The following ERCC6 variants were observed in gnomAD, a reference collection of about 807,000 sequenced individuals.
ERCC6 encodes ERCC excision repair 6, chromatin remodeling factor.
In ERCC6, 116 loss-of-function variants were observed where a neutral mutation model predicts 158.7. The ratio of observed to expected loss-of-function variants is 0.73; its 90% CI spans 0.63 to 0.85. The LOEUF (loss-of-function observed/expected upper bound fraction) is 0.85, where lower values mean the gene tolerates loss of function less well. Ranked by LOEUF, ERCC6 falls within the 40% of genes least tolerant of loss-of-function variation. The probability of loss-of-function intolerance (pLI) is 0.00; values close to 1 mark genes in which losing one functional copy is unlikely to be tolerated. For missense variants in ERCC6, 1,698 were observed against 1,799.4 expected, an observed-to-expected ratio of 0.94 and a Z score of 1.02; for synonymous variants, 678 against 659.3, an observed-to-expected ratio of 1.03 and a Z score of -0.43.
chr10:49,490,161 T>C (rs576297930), intron 8 of ERCC6, among the ~76,000 whole-genome samples: 36 of 152,288 alleles, frequency 2.4e-4, no homozygotes, highest in African/African-American at 8.2e-4. Flanking sequence ...ATCAGTTGTA[T>C]ATTTTTTTGC....
chr10:49,449,237 G>C (rs1299013537), downstream of ERCC6, among the ~76,000 whole-genome samples: 3 of 152,136 alleles, frequency 2.0e-5, no homozygotes, highest in Admixed American at 6.5e-5. Context: ...ATGATGTCAA[G>C]CATCTTTTCA....
At chr10:49,519,973 C>T (rs1358242712) in intron 5 of ERCC6, among the ~76,000 whole-genome samples, 2 of 152,190 alleles carry the variant, frequency 1.3e-5, no homozygotes, top group Non-Finnish European at 2.9e-5. Flanking sequence ...TTCTGACACA[C>T]ACACCCCACA....
rs1478139768 is a variant in ERCC6 at position 49,461,416 on chromosome 10, C to G, written c.3919G>C (p.Ala1307Pro). The G allele has an allele frequency of 6.2e-7, 1 of 1,614,142 alleles. No homozygotes were observed. Among genetic ancestry groups the G allele is most frequent in the East Asian group, 2.2e-5 (1 of 44,888 alleles). Residue 1307 changes from alanine to proline, a missense_variant, in exon 19 of 21, where the codon GCA becomes CCA. Coordinates refer to ENST00000355832, the MANE Select transcript of ERCC6 (RefSeq NM_000124.4). ...GTCCAGGTGGGAACACCAGACACTGCTCCCAGACACCGCTGACGAGAGAGC... is the reference window on the plus strand; with the variant it reads ...GTCCAGGTGGGAACACCAGACACTGGTCCCAGACACCGCTGACGAGAGAGC... ...LRLSRQRCLG[A>P]VSGVPTWTGH...
chr10:49,473,163 T>C lies in ERCC6; in HGVS notation c.2710-135A>G, dbSNP rs1850811925. 2.6e-6 allele frequency: 3 copies of C among 1,155,238 alleles called. No individual in the cohort carries two copies. In the Admixed American group the frequency reaches 6.7e-5, roughly 26 times the overall value. The allele number at this position is 1,155,238 out of a possible 1,614,324, so 71.6% of individuals were successfully genotyped here. A position where few individuals can be genotyped will look rare whatever the true frequency, so the allele number is the denominator to read the frequency against. On this transcript the variant is annotated intron_variant, in intron 14 of 20. Transcript: ENST00000355832. ...AAGGAATGGTAATGTCCTAGAGACC[T>C]CTGGTGAATCAAAATCTCATTTCAC...
At chr10:49,516,447 T>C (rs1473275793) in intron 5 of ERCC6, 6 of 1,614,076 alleles carry the variant, frequency 3.7e-6, no homozygotes, top group Non-Finnish European at 5.1e-6. Flanking sequence ...AAATATAGTT[T>C]CAAACCGGTC....
chr10:49,512,378 C>T (rs576511403), intron 5 of ERCC6, among the ~76,000 whole-genome samples: 1 of 152,288 alleles, frequency 6.6e-6, no homozygotes, highest in East Asian at 1.9e-4. Flanking sequence ...CACTTAGAAC[C>T]AAGGGGCATG....
At chr10:49,472,566 C>G (rs1173250727) in intron 15 of ERCC6, 96 bp from the exon 16 acceptor site, 1 of 1,292,246 alleles carries the variant, frequency 7.7e-7, no homozygotes, top group Non-Finnish European at 1.1e-6. Flanking sequence ...ACCTGTCACT[C>G]CCAGAGTTAG....
At position 49,470,267 on chromosome 10, in the gene ERCC6, G is replaced by A. The variant is rs986569705; in HGVS notation, c.3693C>T (p.Tyr1231=). 3 of 1,614,098 alleles carry A rather than the reference G, an allele frequency of 1.9e-6. No individual in the cohort carries two copies. The Admixed American group carries it at 5.0e-5, about 27-fold the overall frequency. The change falls in exon 18 of 21, where the codon TAC becomes TAT. Residue 1231 remains tyrosine (Y), a synonymous_variant. Transcript: ENST00000355832. The stretch of plus-strand genomic sequence containing the variant: ...TCTTGTTTTCACTGTCTTGCTTCTG[G>A]TAACGCCTTTTCTTCACCAGGTGTG... ...RIPHLVKKRR[Y]QKQDSENKSE...
At chr10:49,520,819 C>T (rs1402538214) in intron 5 of ERCC6, among the ~76,000 whole-genome samples, 1 of 152,202 alleles carries the variant, frequency 6.6e-6, no homozygotes, top group Non-Finnish European at 1.5e-5. Flanking sequence ...ACACCAACCT[C>T]CAAGGCAATC....
At chr10:49,481,814 C>T (rs577050209) in intron 10 of ERCC6, among the ~76,000 whole-genome samples, 3 of 152,198 alleles carry the variant, frequency 2.0e-5, no homozygotes, top group Admixed American at 2.0e-4. Context: ...CCTAAAAATG[C>T]CACCTGCGTC....
intron 8 of ERCC6, among the ~76,000 whole-genome samples, chr10:49,491,101 T>G (rs1019897888): frequency 6.6e-6 from 1 of 152,220 alleles, no homozygotes; most frequent in African/African-American, 2.4e-5. Context: ...CCTTCAGTAG[T>G]TGAATCCAGA....
rs181147716 is a variant in ERCC6, at chr10:49,470,945, T to C, written c.3070+30A>G. Reference sequence around the variant, plus strand: ...TATTGTATCATCTTGTGCAATTGATTACTTTAAATTAAATGATTTTATGTA... The same window carrying C: ...TATTGTATCATCTTGTGCAATTGATCACTTTAAATTAAATGATTTTATGTA... On this transcript the variant is annotated intron_variant, in intron 17 of 20. Coordinates refer to ENST00000355832, the MANE Select transcript of ERCC6 (RefSeq NM_000124.4). 315 of 1,613,802 alleles carry C rather than the reference T, an allele frequency of 2.0e-4. No individual in the cohort carries two copies. The African/African-American group carries it at 3.5e-3, about 18-fold the overall frequency.
rs923657738 is a variant in ERCC6 at position 49,458,074 on chromosome 10, G to A, written c.*741C>T. 6.6e-6 allele frequency: 1 copy of A among 152,172 alleles called. No homozygotes were observed. Among genetic ancestry groups the A allele is most frequent in the African/African-American group, 2.4e-5 (1 of 41,398 alleles). The allele number at this position is 152,172 out of a possible 1,614,324, so 9.4% of individuals were successfully genotyped here. On this transcript the variant is annotated 3_prime_UTR_variant, in exon 21 of 21. Coordinates refer to ENST00000355832, the MANE Select transcript of ERCC6 (RefSeq NM_000124.4). ...TGTGGTTTTTATGTACCTACTTTTGGCTTTAATTTGATTTTTTTTAATGAT... is the reference window on the plus strand; with the variant it reads ...TGTGGTTTTTATGTACCTACTTTTGACTTTAATTTGATTTTTTTTAATGAT...
Position 49,477,182 on chromosome 10 carries a change from TA to T in ERCC6, c.2287-873del, listed in dbSNP as rs1590412164. 2.6e-5 allele frequency among the ~76,000 whole-genome samples: 4 copies of T among 152,170 alleles called. No homozygotes were observed. The East Asian group carries it at 7.8e-4, about 29-fold the overall frequency. On this transcript the variant is annotated intron_variant, in intron 11 of 20. Coordinates refer to ENST00000355832, the MANE Select transcript of ERCC6 (RefSeq NM_000124.4). ...TTCTACTTAAAAACAATCAGACAAA[TA>T]AAAACAAAATGAAAATCAAACCTGA...
At chr10:49,538,733 G>T (rs562307737) in intron 1 of ERCC6, among the ~76,000 whole-genome samples, 18 of 152,312 alleles carry the variant, frequency 1.2e-4, no homozygotes, top group Admixed American at 2.0e-4. Flanking sequence ...TCGCTGGCCG[G>T]CCAGGGACTC....
chr10:49,472,725 G>T, intron 15 of ERCC6, 184 bp downstream of exon 15: 1 of 770,188 alleles, frequency 1.3e-6, no homozygotes, highest in Non-Finnish European at 2.1e-6. Context: ...TGGATAAACT[G>T]CTGAAGATGG....
At chr10:49,506,246 A>G in intron 5 of ERCC6, 2 of 553,890 alleles carry the variant, frequency 3.6e-6, no homozygotes, top group Non-Finnish European at 6.4e-6. Context: ...ATATTTCTTT[A>G]AGGTCTCATT....
intron 8 of ERCC6, among the ~76,000 whole-genome samples, chr10:49,487,943 T>C (rs1241987789): frequency 6.6e-6 from 1 of 152,222 alleles, no homozygotes; most frequent in African/African-American, 2.4e-5. Context: ...AAACCCCATC[T>C]AAGACTATTT....
intron 7 of ERCC6, among the ~76,000 whole-genome samples, chr10:49,495,403 C>A (rs1851250150): frequency 6.6e-6 from 1 of 152,152 alleles, no homozygotes; most frequent in Non-Finnish European, 1.5e-5. Context: ...CCTTTTCCTG[C>A]CCCACAAAGA....
Sources: allele counts gnomAD v4.1 joint callset (sites outside exome capture counted in the v4.1 genomes callset), GRCh38; gene constraint gnomAD v4.1.1; transcripts MANE v1.5; gene names NCBI Gene and HGNC (gene_info 2026-07-23, HGNC 2026-07-21).